AFF3: variants seen among roughly 807,000 people sequenced by gnomAD.
The protein encoded by AFF3 is ALF transcription elongation factor 3.
AFF3 carries 32 observed loss-of-function variants against 129.7 expected under a neutral mutation model. That is an observed-to-expected ratio of 0.25 (90% CI 0.19 to 0.33). The LOEUF (loss-of-function observed/expected upper bound fraction) is 0.33. Ranked by LOEUF, AFF3 falls within the 10% of genes least tolerant of loss-of-function variation. The pLI is 1.00. For synonymous variants in AFF3, 644 were observed against 635.4 expected, an observed-to-expected ratio of 1.01 and a Z score of -0.20; for missense variants, 1,373 against 1,592.0, an observed-to-expected ratio of 0.86 and a Z score of 2.34.
intron 13 of AFF3, among the ~76,000 whole-genome samples, chr2:99,635,788 T>C (rs1683596880): frequency 6.6e-6 from 1 of 152,102 alleles, no homozygotes; most frequent in South Asian, 2.1e-4. Context: ...TCCCCACATG[T>C]AAAATAAGGA....
rs1475948850 is a variant in AFF3 at position 99,546,971 on chromosome 2, T to C, written c.*4503A>G. The C allele has an allele frequency of 4.5e-6, 1 of 221,290 alleles. No individual in the cohort carries two copies. The highest frequency in any genetic ancestry group is 2.2e-5 in the African/African-American group (1 of 44,618). 13.7% of individuals were successfully genotyped at this position (221,290 alleles called of 1,614,324 possible). A position where few individuals can be genotyped will look rare whatever the true frequency, so the allele number is the denominator to read the frequency against. On this transcript the variant is annotated 3_prime_UTR_variant, in exon 25 of 25. Coordinates refer to ENST00000672756, the MANE Select transcript of AFF3 (RefSeq NM_001386135.1). ...GCATACGTGCATGCATGTGCGCGCG[T>C]GTGTGCGTATGTGTATGTATCAGGA... is the stretch of plus-strand genomic sequence containing the variant.
At chr2:99,882,051 G>C (rs751952769) in intron 7 of AFF3, among the ~76,000 whole-genome samples, 15 of 151,924 alleles carry the variant, frequency 9.9e-5, no homozygotes, top group Non-Finnish European at 1.6e-4. Flanking sequence ...GTCCTCATTT[G>C]CCTGTCTCTC....
intron 15 of AFF3, among the ~76,000 whole-genome samples, chr2:99,589,328 A>T (rs1335209371): frequency 6.6e-6 from 1 of 151,958 alleles, no homozygotes; most frequent in Non-Finnish European, 1.5e-5. Flanking sequence ...ATGAGCTGCC[A>T]AGTATTACTG....
intron 7 of AFF3, among the ~76,000 whole-genome samples, chr2:99,853,042 G>T (rs1396974181): frequency 6.6e-6 from 1 of 152,192 alleles, no homozygotes; most frequent in East Asian, 1.9e-4. Flanking sequence ...TAACATGGCA[G>T]TATTGCAAAA....
chr2:100,012,343 T>C (rs75209187), intron 4 of AFF3, among the ~76,000 whole-genome samples: 2 of 152,124 alleles, frequency 1.3e-5, no homozygotes, highest in East Asian at 3.9e-4. Flanking sequence ...AGCTGCTTCT[T>C]AAAACTAACC....
intron 22 of AFF3, among the ~76,000 whole-genome samples, chr2:99,556,432 A>G (rs1284971988): frequency 6.6e-6 from 1 of 151,628 alleles, no homozygotes; most frequent in Admixed American, 6.6e-5. Context: ...ACGGAGCGAG[A>G]CTCCGTCTCA....
At chr2:99,972,544 C>T (rs1015874793) in intron 7 of AFF3, among the ~76,000 whole-genome samples, 12 of 152,212 alleles carry the variant, frequency 7.9e-5, no homozygotes, top group African/African-American at 2.2e-4. Context: ...TAGTATTTTA[C>T]CTCATTAGTT....
intron 7 of AFF3, among the ~76,000 whole-genome samples, chr2:100,005,147 C>A (rs1015427547): frequency 3.9e-5 from 6 of 152,146 alleles, no homozygotes; most frequent in African/African-American, 1.4e-4. Flanking sequence ...CAAAGGGCAT[C>A]CTGAAAGTGT....
intron 4 of AFF3, among the ~76,000 whole-genome samples, chr2:100,016,135 GTGA>G (rs763447255): frequency 3.3e-5 from 5 of 151,528 alleles, no homozygotes; most frequent in African/African-American, 7.3e-5. Context: ...GATGGTGGTG[GTGA>G]TGGTGGTGGT....
chr2:99,935,863 T>C (rs1204589750), intron 7 of AFF3, among the ~76,000 whole-genome samples: 1 of 152,094 alleles, frequency 6.6e-6, no homozygotes, highest in Admixed American at 6.5e-5. Context: ...GAGTAAGACA[T>C]CAGAGTCCCC....
intron 7 of AFF3, among the ~76,000 whole-genome samples, chr2:99,859,238 A>C (rs985728996): frequency 6.6e-6 from 1 of 152,228 alleles, no homozygotes; most frequent in Admixed American, 6.5e-5. Context: ...ACTACTCTTC[A>C]GAATAGCTGG....
chr2:99,665,159 C>T (rs1686568705), intron 12 of AFF3, among the ~76,000 whole-genome samples: 1 of 152,166 alleles, frequency 6.6e-6, no homozygotes, highest in East Asian at 1.9e-4. Context: ...TAGTGTCGGC[C>T]ATGCTGAGGG....
chr2:100,032,405 G>T (rs892600386), intron 4 of AFF3, among the ~76,000 whole-genome samples: 1 of 150,772 alleles, frequency 6.6e-6, no homozygotes, highest in Non-Finnish European at 1.5e-5. Flanking sequence ...CTACAGCCTG[G>T]GCAACAGAGT....
intron 7 of AFF3, among the ~76,000 whole-genome samples, chr2:99,924,880 T>A (rs962835590): frequency 6.6e-6 from 1 of 150,452 alleles, no homozygotes; most frequent in African/African-American, 2.4e-5. Flanking sequence ...TTTATTAATT[T>A]TTTTTTTTTT....
intron 4 of AFF3, among the ~76,000 whole-genome samples, chr2:100,078,698 C>T (rs370552927): frequency 1.3e-4 from 20 of 152,148 alleles, no homozygotes; most frequent in African/African-American, 3.9e-4. Context: ...ATAGCCGTCC[C>T]TTGGTATCCT....
chr2:99,663,249 T>TG (rs767105117), intron 12 of AFF3, among the ~76,000 whole-genome samples: 3 of 152,216 alleles, frequency 2.0e-5, no homozygotes, highest in Non-Finnish European at 2.9e-5. Flanking sequence ...CCAAAACTGA[T>TG]GTGAGTCATC....
intron 13 of AFF3, among the ~76,000 whole-genome samples, chr2:99,639,321 T>A (rs1683970376): frequency 6.6e-6 from 1 of 152,210 alleles, no homozygotes; most frequent in Admixed American, 6.5e-5. Flanking sequence ...CAGCCTGCGT[T>A]TGTTCACGTT....
chr2:99,755,332 G>A (rs750007250), intron 8 of AFF3, among the ~76,000 whole-genome samples: 2 of 150,768 alleles, frequency 1.3e-5, no homozygotes, highest in South Asian at 2.1e-4. Context: ...GCAATGGCGC[G>A]ATCTCAGCTC....
intron 12 of AFF3, among the ~76,000 whole-genome samples, chr2:99,667,952 C>T (rs1422408609): frequency 4.0e-5 from 6 of 151,550 alleles, no homozygotes; most frequent in Admixed American, 1.3e-4. Context: ...GTCAGGAGAT[C>T]GAGACCATCC....
Sources: gnomAD v4.1 joint callset for allele counts (sites outside exome capture counted in the v4.1 genomes callset) on GRCh38, gnomAD v4.1.1 for gene constraint, MANE v1.5 for transcripts, NCBI Gene and HGNC (gene_info 2026-07-23, HGNC 2026-07-21) for gene names.